The following SDC1 variants were observed in gnomAD, a reference collection of about 807,000 sequenced individuals.
SDC1 encodes the protein syndecan 1.
SDC1 carries 14 observed loss-of-function variants against 29.7 expected under a neutral mutation model. That is an observed-to-expected ratio of 0.47 (90% CI 0.31 to 0.74). The LOEUF (loss-of-function observed/expected upper bound fraction) is 0.74. Ranked by LOEUF, SDC1 falls within the 30% of genes least tolerant of loss-of-function variation. SDC1 has a pLI of 0.05. For missense variants in SDC1, 406 were observed against 400.3 expected, an observed-to-expected ratio of 1.01 and a Z score of -0.12; for synonymous variants, 204 against 175.5, an observed-to-expected ratio of 1.16 and a Z score of -1.29.
chr2:20,209,696 G>A (rs1212127420), intron 1 of SDC1, among the ~76,000 whole-genome samples: 3 of 152,230 alleles, frequency 2.0e-5, no homozygotes, highest in Non-Finnish European at 2.9e-5. Context: ...GCCAGCTTTC[G>A]CTCCCGTAAC....
Position 20,202,728 on chromosome 2 carries a change from A to T in SDC1, c.*38T>A. The T allele has an allele frequency of 6.5e-7, 1 of 1,549,204 alleles. No homozygotes were observed. Among genetic ancestry groups the T allele is most frequent in the Non-Finnish European group, 8.7e-7 (1 of 1,144,926 alleles). Reference sequence around the variant, plus strand: ...TCAAGGAAGAGGCAAGTGGGGGCCTAGTGAGTGGCAGGGCGGAGGGGGCGC... The same window carrying T: ...TCAAGGAAGAGGCAAGTGGGGGCCTTGTGAGTGGCAGGGCGGAGGGGGCGC... On this transcript the variant is annotated 3_prime_UTR_variant, in exon 5 of 5. Coordinates refer to ENST00000254351, the MANE Select transcript of SDC1 (RefSeq NM_002997.5).
Position 20,225,063 on chromosome 2 carries a change from C to T in SDC1, c.-196G>A. Reference sequence around the variant, plus strand: ...CTCTCCGCTCGGCTCGGATTCGGCCCGCACCTCTCCCGCCGAGCTCCGCCT... The same window carrying T: ...CTCTCCGCTCGGCTCGGATTCGGCCTGCACCTCTCCCGCCGAGCTCCGCCT... On this transcript the variant is annotated 5_prime_UTR_variant, in exon 1 of 5. Transcript: ENST00000254351. The T allele has an allele frequency of 1.7e-6, 1 of 574,950 alleles. No individual in the cohort carries two copies. The highest frequency in any genetic ancestry group is 2.5e-6 in the Non-Finnish European group (1 of 407,554). 35.6% of individuals were successfully genotyped at this position (574,950 alleles called of 1,614,324 possible). A position where few individuals can be genotyped will look rare whatever the true frequency, so the allele number is the denominator to read the frequency against.
Position 20,217,541 on chromosome 2 carries a change from G to A in SDC1, c.66+7261C>T, listed in dbSNP as rs116192336. ...AGCCCCTTCCCCCTATGTCACAGAT[G>A]GGTTCACTGAGACCAAGAGAGGCCT... is the stretch of plus-strand genomic sequence containing the variant. On this transcript the variant is annotated intron_variant, in intron 1 of 4. Transcript: ENST00000254351. Among the ~76,000 whole-genome samples the A allele has an allele frequency of 7.5e-3, 1,137 of 152,272 alleles. 19 individuals carry two copies. The highest frequency in any genetic ancestry group is 0.026 in the African/African-American group (1,093 of 41,552).
chr2:20,208,081 T>C (rs1329008783), intron 1 of SDC1: 4 of 985,440 alleles, frequency 4.1e-6, no homozygotes, highest in Non-Finnish European at 4.8e-6. Context: ...GTGCCGAATC[T>C]TTCAGCAGAA....
intron 1 of SDC1, among the ~76,000 whole-genome samples, chr2:20,221,302 C>G (rs1238230575): frequency 2.0e-5 from 3 of 152,196 alleles, no homozygotes; most frequent in African/African-American, 7.2e-5. Flanking sequence ...CAAATTAGAA[C>G]TGATCAGAAA....
chr2:20,203,299 A>C (rs1048807676), intron 3 of SDC1, 77 bp from the exon 4 acceptor site: 5 of 1,492,148 alleles, frequency 3.4e-6, no homozygotes, highest in Non-Finnish European at 4.5e-6. Flanking sequence ...CAAGACCCAG[A>C]AGCAGCTCCT....
intron 1 of SDC1, among the ~76,000 whole-genome samples, chr2:20,216,439 C>T (rs114306934): frequency 1.3e-5 from 2 of 152,218 alleles, no homozygotes; most frequent in African/African-American, 2.4e-5. Context: ...TGGAATGACA[C>T]CAGCCTCTAG....
rs552422717 is a variant in SDC1 at position 20,224,919 on chromosome 2, G to A, written c.-52C>T. The A allele has an allele frequency of 1.0e-5, 12 of 1,204,718 alleles. 1 individual carries two copies. The African/African-American group carries it at 1.9e-4, about 19-fold the overall frequency. The allele number at this position is 1,204,718 out of a possible 1,614,324, so 74.6% of individuals were successfully genotyped here. ...GGCAGGCTGCGCGGGTCGCGGCTGC[G>A]GGCCGGCTTCGCGGGTTCCGCTGCT... On this transcript the variant is annotated 5_prime_UTR_variant, in exon 1 of 5. Coordinates refer to ENST00000254351, the MANE Select transcript of SDC1 (RefSeq NM_002997.5). The surrounding 1 kb of genome is among the most constrained non-coding windows in gnomAD (Gnocchi z 4.9).
chr2:20,217,064 C>T (rs1385641517), intron 1 of SDC1, among the ~76,000 whole-genome samples: 1 of 152,150 alleles, frequency 6.6e-6, no homozygotes, highest in South Asian at 2.1e-4. Context: ...AGACCCCCTG[C>T]CCTGACACTT....
intron 1 of SDC1, among the ~76,000 whole-genome samples, chr2:20,210,042 C>T (rs1490345085): frequency 2.0e-5 from 3 of 152,224 alleles, no homozygotes; most frequent in Admixed American, 2.0e-4. Context: ...AAAACACAAA[C>T]CCCTTAAAAA....
Position 20,206,712 on chromosome 2 carries a change from C to G in SDC1, c.67-1288G>C, listed in dbSNP as rs562430974. Among the ~76,000 whole-genome samples, 7 of 152,344 alleles carry G rather than the reference C, an allele frequency of 4.6e-5. No homozygotes were observed. In the East Asian group the frequency reaches 1.3e-3, roughly 29 times the overall value. On this transcript the variant is annotated intron_variant, in intron 1 of 4. Coordinates refer to ENST00000254351, the MANE Select transcript of SDC1 (RefSeq NM_002997.5). ...TCCGGATCCTGCCACTCACTAGATG[C>G]GTGGTCCTGGGATGTCATTAAACTG...
chr2:20,203,700 G>C, intron 3 of SDC1, 113 bp downstream of exon 3: 1 of 830,734 alleles, frequency 1.2e-6, no homozygotes, highest in Non-Finnish European at 1.9e-6. Flanking sequence ...CCTGTGCCCT[G>C]TCTTCCTGGT....
chr2:20,223,178 GA>G, intron 1 of SDC1: 4 of 1,172,564 alleles, frequency 3.4e-6, no homozygotes, highest in Non-Finnish European at 1.1e-6. Flanking sequence ...TCCTGGACCG[GA>G]AAATGTCTGG....
In SDC1 at chr2:20,224,971, C is replaced by T. The variant is rs991834903; in HGVS notation, c.-104G>A. 8.5e-7 allele frequency: 1 copy of T among 1,175,650 alleles called. No individual in the cohort carries two copies. The highest frequency in any genetic ancestry group is 3.7e-5 in the East Asian group (1 of 26,894). 72.8% of individuals were successfully genotyped at this position (1,175,650 alleles called of 1,614,324 possible). ...GATGCTCTCTTGGGCGCCTGCCCAG[C>T]GCGCCGCTGTCCCAGGCGAGGGCTG... On this transcript the variant is annotated 5_prime_UTR_variant, in exon 1 of 5. Transcript: ENST00000254351. The surrounding 1 kb of genome is among the most constrained non-coding windows in gnomAD (Gnocchi z 4.9).
intron 1 of SDC1, among the ~76,000 whole-genome samples, chr2:20,217,756 G>C (rs996690563): frequency 6.6e-6 from 1 of 152,146 alleles, no homozygotes; most frequent in African/African-American, 2.4e-5. Context: ...CTGATGAGTG[G>C]ACTGATCAAC....
chr2:20,208,155 C>A (rs980804460), intron 1 of SDC1: 2 of 982,198 alleles, frequency 2.0e-6, no homozygotes, highest in Admixed American at 6.1e-5. Flanking sequence ...AGGGAAGACA[C>A]ACACACTGGG....
chr2:20,205,945 A>G (rs1203370438), intron 1 of SDC1, among the ~76,000 whole-genome samples: 1 of 152,214 alleles, frequency 6.6e-6, no homozygotes, highest in African/African-American at 2.4e-5. Flanking sequence ...GCTGGCCCCC[A>G]GGTGTGGATA....
rs1208349282 is a variant in SDC1, at chr2:20,201,684, G to A, written c.*1082C>T. ...CTGGCCTTGGATGGAGGCGCTCAGAGCCAGCTCTGCCCAAGACACCCCTCG... is the reference window on the plus strand; with the variant it reads ...CTGGCCTTGGATGGAGGCGCTCAGAACCAGCTCTGCCCAAGACACCCCTCG... On this transcript the variant is annotated 3_prime_UTR_variant, in exon 5 of 5. Transcript: ENST00000254351. 6.5e-6 allele frequency: 1 copy of A among 152,796 alleles called. No homozygotes were observed. Among genetic ancestry groups the A allele is most frequent in the Admixed American group, 6.5e-5 (1 of 15,282 alleles). 9.5% of individuals were successfully genotyped at this position (152,796 alleles called of 1,614,324 possible).
chr2:20,222,110 C>CACACAGAG (rs557201293), intron 1 of SDC1, among the ~76,000 whole-genome samples: 2 of 151,092 alleles, frequency 1.3e-5, no homozygotes, highest in African/African-American at 4.9e-5. Context: ...CACACACACA[C>CACACAGAG]AGAGAGAAAG....
Sources: gnomAD v4.1 joint callset for allele counts (sites outside exome capture counted in the v4.1 genomes callset) on GRCh38, gnomAD v4.1.1 for gene constraint, Gnocchi (gnomAD v3.1) non-coding constraint, MANE v1.5 for transcripts, NCBI Gene and HGNC (gene_info 2026-07-23, HGNC 2026-07-21) for gene names.